FBXW11: variants seen among roughly 807,000 people sequenced by gnomAD.
The protein encoded by FBXW11 is F-box and WD repeat domain containing 11.
In FBXW11, 19 loss-of-function variants were observed where a neutral mutation model predicts 77.6. The observed-to-expected ratio is 0.24, with a 90% confidence interval of 0.17 to 0.36. The LOEUF is 0.36. Ranked by LOEUF, FBXW11 falls within the 10% of genes least tolerant of loss-of-function variation. FBXW11 has a pLI of 1.00. For synonymous variants in FBXW11, 235 were observed against 249.4 expected, an observed-to-expected ratio of 0.94 and a Z score of 0.54; for missense variants, 334 against 704.2, an observed-to-expected ratio of 0.47 and a Z score of 5.95.
In FBXW11 at chr5:172,002,680, CTTTCTTTTTTCT is replaced by C. The variant is rs1290580480; in HGVS notation, c.45+3766_45+3777del. 3.4e-4 allele frequency among the ~76,000 whole-genome samples: 47 copies of C among 136,802 alleles called. 3 individuals are homozygous for C. In the South Asian group the frequency reaches 0.01, roughly 30 times the overall value. The allele number at this position is 136,802 out of a possible 152,430, so 89.7% of individuals were successfully genotyped here. A position where few individuals can be genotyped will look rare whatever the true frequency, so the allele number is the denominator to read the frequency against. On this transcript the variant is annotated intron_variant, in intron 1 of 13. Transcript: ENST00000517395. ...TTCCAGTAACTTCATTTATTCGTTT[CTTTCTTTTTTCT>C]TTTCTTTTTTTTTTTTTTTTTTTTT...
chr5:171,917,233 T>C (rs1561681883), intron 2 of FBXW11, among the ~76,000 whole-genome samples: 1 of 152,244 alleles, frequency 6.6e-6, no homozygotes, highest in Non-Finnish European at 1.5e-5. Flanking sequence ...GATGTATATA[T>C]GTTTTAAACT....
Position 171,909,701 on chromosome 5 carries a change from G to A in FBXW11, c.436+871C>T, listed in dbSNP as rs551331823. On this transcript the variant is annotated intron_variant, in intron 4 of 13. Transcript: ENST00000517395. The stretch of plus-strand genomic sequence containing the variant: ...TTTAACCAGATGTGTGTGTGTGTGT[G>A]TGTGTGCACGTGCGCGCGTGCATGT... Among the ~76,000 whole-genome samples, 59 of 152,348 alleles carry A rather than the reference G, an allele frequency of 3.9e-4. 3 individuals are homozygous for A. The South Asian group carries it at 0.011, about 28-fold the overall frequency.
intron 10 of FBXW11, among the ~76,000 whole-genome samples, chr5:171,871,927 A>G (rs1378141316): frequency 4.6e-5 from 7 of 152,212 alleles, no homozygotes; most frequent in Non-Finnish European, 8.8e-5. Context: ...GACAATTCCA[A>G]TGAGGAAGTT....
intron 2 of FBXW11, among the ~76,000 whole-genome samples, chr5:171,950,677 G>A (rs1330199643): frequency 6.6e-6 from 1 of 152,146 alleles, no homozygotes; most frequent in Non-Finnish European, 1.5e-5. Flanking sequence ...CCTGAGGTCA[G>A]GAGTTCGAGA....
intron 4 of FBXW11, among the ~76,000 whole-genome samples, chr5:171,903,724 C>T (rs1418795147): frequency 6.6e-6 from 1 of 152,004 alleles, no homozygotes; most frequent in Admixed American, 6.6e-5. Flanking sequence ...TGGCTCACTA[C>T]AGCCTTGACC....
intron 2 of FBXW11, among the ~76,000 whole-genome samples, chr5:171,944,574 C>CAAAAAAA (rs34106047): frequency 7.5e-5 from 6 of 80,456 alleles, no homozygotes; most frequent in East Asian, 3.3e-4. Flanking sequence ...GACTCCATCT[C>CAAAAAAA]AAAAAAAAAA....
At chr5:171,894,102 C>CGCA (rs1194307312) in intron 6 of FBXW11, among the ~76,000 whole-genome samples, 1 of 152,094 alleles carries the variant, frequency 6.6e-6, no homozygotes. Flanking sequence ...ACCCTGAAGA[C>CGCA]GCAGCAGAGA....
At position 171,930,768 on chromosome 5, in the gene FBXW11, A is replaced by AT. The variant is rs1554102019; in HGVS notation, c.148-16364_148-16363insA. Reference sequence around the variant, plus strand: ...AAAATAAAAAATAAAAAAATAAAAAAAAAAAAAAGAAAAACTGAAAGAATT... The same window carrying AT: ...AAAATAAAAAATAAAAAAATAAAAAATAAAAAAAAGAAAAACTGAAAGAATT... On this transcript the variant is annotated intron_variant, in intron 2 of 13. Transcript: ENST00000517395. Among the ~76,000 whole-genome samples, 104 of 148,874 alleles carry AT rather than the reference A, an allele frequency of 7.0e-4. 1 individual carries two copies. The highest frequency in any genetic ancestry group is 1.0e-3 in the Non-Finnish European group (70 of 67,110).
rs367855709 is a variant in FBXW11 at position 171,905,722 on chromosome 5, T to C, written c.436+4850A>G. On this transcript the variant is annotated intron_variant, in intron 4 of 13. Transcript: ENST00000517395. ...AGGAGCCATGCAGAGCATGTAACTT[T>C]CTGGTTTCAAGCCTATTCAGGACAA... 3.3e-4 allele frequency among the ~76,000 whole-genome samples: 50 copies of C among 152,170 alleles called. No individual in the cohort carries two copies. In the South Asian group the frequency reaches 0.01, roughly 32 times the overall value.
At chr5:172,002,595 C>T (rs1322170667) in intron 1 of FBXW11, among the ~76,000 whole-genome samples, 1 of 149,208 alleles carries the variant, frequency 6.7e-6, no homozygotes, top group African/African-American at 2.5e-5. Flanking sequence ...CCCCACTCAC[C>T]CCGAGAAAGT....
chr5:171,974,980 G>C (rs1023726014), intron 1 of FBXW11, among the ~76,000 whole-genome samples: 1 of 152,086 alleles, frequency 6.6e-6, no homozygotes, highest in Non-Finnish European at 1.5e-5. Flanking sequence ...TTTTAGTAGA[G>C]ACAGGGTTTC....
intron 1 of FBXW11, among the ~76,000 whole-genome samples, chr5:171,962,495 T>C (rs555708282): frequency 6.6e-6 from 1 of 152,336 alleles, no homozygotes; most frequent in South Asian, 2.1e-4. Flanking sequence ...GTTCTATAGC[T>C]GAAGAAAATA....
intron 6 of FBXW11, 68 bp downstream of exon 6, chr5:171,898,936 C>G (rs1354957944): frequency 9.5e-7 from 1 of 1,049,946 alleles, no homozygotes; most frequent in Non-Finnish European, 1.4e-6. Context: ...AAAGAACACT[C>G]TAAGGCAACA....
At position 172,006,615 on chromosome 5, in the gene FBXW11, T is replaced by G; in HGVS notation, c.-113A>C. 5.4e-6 allele frequency: 7 copies of G among 1,305,446 alleles called. No individual in the cohort carries two copies. Among genetic ancestry groups the G allele is most frequent in the Non-Finnish European group, 6.8e-6 (7 of 1,025,512 alleles). 80.9% of individuals were successfully genotyped at this position (1,305,446 alleles called of 1,614,324 possible). On this transcript the variant is annotated 5_prime_UTR_variant, in exon 1 of 14. Transcript: ENST00000517395. The stretch of plus-strand genomic sequence containing the variant: ...AGGCGGCTATCGCACCCACTCTAGC[T>G]GCCAGCCCGCCCGGGCCGCCGGCAG...
At chr5:171,868,915 T>C in intron 12 of FBXW11, 119 bp from the exon 13 acceptor site, 1 of 822,560 alleles carries the variant, frequency 1.2e-6, no homozygotes, top group Non-Finnish European at 1.9e-6. Context: ...TAAACGACTG[T>C]ACAGAGCTCA....
intron 1 of FBXW11, among the ~76,000 whole-genome samples, chr5:172,005,520 AC>A (rs1329160630): frequency 4.0e-5 from 6 of 151,690 alleles, no homozygotes; most frequent in Non-Finnish European, 7.4e-5. Context: ...GTTCCTAAAA[AC>A]CCCTTCTGGT....
intron 1 of FBXW11, among the ~76,000 whole-genome samples, chr5:172,002,414 A>ATGTGTGTGTGTGTGTGTGTG (rs55720474): frequency 5.6e-5 from 8 of 144,068 alleles, no homozygotes; most frequent in African/African-American, 2.1e-4. Flanking sequence ...TTTTATATAA[A>ATGTGTGTGTGTGTGTGTGTG]TGTGTGTGTG....
intron 1 of FBXW11, among the ~76,000 whole-genome samples, chr5:171,988,225 T>C (rs1375586086): frequency 6.6e-6 from 1 of 152,148 alleles, no homozygotes; most frequent in Non-Finnish European, 1.5e-5. Flanking sequence ...TAAATACCAT[T>C]CCTTACTAAA....
chr5:171,977,601 CAAGTTACAAAAG>C (rs1422698432), intron 1 of FBXW11: 1 of 451,146 alleles, frequency 2.2e-6, no homozygotes, highest in Non-Finnish European at 4.4e-6. Context: ...TGAGACTGGG[CAAGTTACAAAAG>C]AAAGAAGTTT....
Sources: allele counts gnomAD v4.1 joint callset (sites outside exome capture counted in the v4.1 genomes callset), GRCh38; gene constraint gnomAD v4.1.1; transcripts MANE v1.5; gene names NCBI Gene and HGNC (gene_info 2026-07-23, HGNC 2026-07-21).